MYH15: variants seen among roughly 807,000 people sequenced by gnomAD.
MYH15 encodes myosin heavy chain 15.
In MYH15, 227 loss-of-function variants were observed where a neutral mutation model predicts 240.5. The observed-to-expected ratio is 0.94, with a 90% CI of 0.85 to 1.05. The LOEUF (loss-of-function observed/expected upper bound fraction) is 1.05. MYH15 is among the 50% of genes least tolerant of loss of function. The pLI is 0.00. For missense variants in MYH15, 2,217 were observed against 2,247.5 expected (o/e 0.99, Z 0.27); for synonymous variants, 785 against 796.7 (o/e 0.99, Z 0.25).
intron 33 of MYH15, among the ~76,000 whole-genome samples, chr3:108,404,673 G>T (rs2082533025): frequency 6.6e-6 from 1 of 152,156 alleles, no homozygotes; most frequent in South Asian, 2.1e-4. Flanking sequence ...GTCTAATTCA[G>T]TTTCCTGACT....
intron 14 of MYH15, among the ~76,000 whole-genome samples, chr3:108,466,017 C>G (rs2083113830): frequency 6.6e-6 from 1 of 152,200 alleles, no homozygotes. Context: ...TAGTTTCTGT[C>G]AGACCCTTGC....
At chr3:108,473,854 G>A (rs1170340631) in intron 12 of MYH15, among the ~76,000 whole-genome samples, 1 of 152,132 alleles carries the variant, frequency 6.6e-6, no homozygotes, top group Non-Finnish European at 1.5e-5. Flanking sequence ...ATTTAGAAAT[G>A]CAAGTGGCAT....
upstream of MYH15, among the ~76,000 whole-genome samples, chr3:108,510,893 A>C (rs1268166283): frequency 2.6e-5 from 4 of 152,192 alleles, no homozygotes; most frequent in Non-Finnish European, 4.4e-5. Context: ...AAGTAATATG[A>C]ATGATACATA....
chr3:108,458,872 A>T (rs749688127), intron 18 of MYH15, among the ~76,000 whole-genome samples: 1 of 152,178 alleles, frequency 6.6e-6, no homozygotes, highest in African/African-American at 2.4e-5. Flanking sequence ...GCTATTAGAA[A>T]GAGGGAAGAA....
chr3:108,440,928 C>A, intron 23 of MYH15, 90 bp downstream of exon 23: 1 of 1,509,846 alleles, frequency 6.6e-7, no homozygotes. Flanking sequence ...TGTTAATTAA[C>A]TTGAATAGAG....
the MYH15 span, chr3:108,550,925 A>T: frequency 0.12 from 34,574 of 288,136 alleles, 2,507 homozygotes; most frequent in South Asian, 0.26. Flanking sequence ...ACCAAAGAAA[A>T]CCTTAAGCCA....
At chr3:108,392,394 C>T (rs1369864544) in intron 36 of MYH15, among the ~76,000 whole-genome samples, 1 of 152,180 alleles carries the variant, frequency 6.6e-6, no homozygotes, top group African/African-American at 2.4e-5. Flanking sequence ...AGTTTGGCTC[C>T]AGGAATTTGG....
chr3:108,505,683 G>A, intron 2 of MYH15, 40 bp downstream of exon 2: 1 of 1,161,058 alleles, frequency 8.6e-7, no homozygotes, highest in Non-Finnish European at 1.3e-6. Flanking sequence ...ATTTGATAGA[G>A]AACATAGTCA....
intron 35 of MYH15, 102 bp from the exon 36 acceptor site, chr3:108,394,258 C>A: frequency 2.1e-6 from 3 of 1,456,296 alleles, no homozygotes; most frequent in South Asian, 2.5e-5. Context: ...TGGCCAGAAG[C>A]AAATTTTATT....
intron 9 of MYH15, among the ~76,000 whole-genome samples, chr3:108,486,934 C>T (rs1199238321): frequency 6.6e-6 from 1 of 152,206 alleles, no homozygotes; most frequent in Admixed American, 6.5e-5. Context: ...ATAAGTAGAA[C>T]AGACCTGAGC....
chr3:108,415,252 T>C (rs374444689), intron 29 of MYH15, among the ~76,000 whole-genome samples: 7 of 152,142 alleles, frequency 4.6e-5, no homozygotes, highest in African/African-American at 7.2e-5. Flanking sequence ...GTGTCCTTTA[T>C]GCAAATTAGG....
intron 11 of MYH15, among the ~76,000 whole-genome samples, chr3:108,480,296 C>T (rs1174866311): frequency 3.9e-5 from 6 of 152,216 alleles, no homozygotes; most frequent in South Asian, 2.1e-4. Context: ...ATGAACAGCA[C>T]GACTTGAAGC....
intron 25 of MYH15, among the ~76,000 whole-genome samples, chr3:108,432,885 G>A (rs1576230156): frequency 6.6e-6 from 1 of 152,318 alleles, no homozygotes; most frequent in Admixed American, 6.5e-5. Flanking sequence ...GGCCCTCATG[G>A]AGAACCTCTG....
chr3:108,402,832 T>C (rs1016117490), intron 33 of MYH15, among the ~76,000 whole-genome samples: 4 of 152,198 alleles, frequency 2.6e-5, no homozygotes, highest in African/African-American at 7.2e-5. Context: ...TCTTGGGCCA[T>C]GCAGTAGGGC....
At chr3:108,489,624 G>A (rs770728131) in intron 9 of MYH15, among the ~76,000 whole-genome samples, 1 of 152,016 alleles carries the variant, frequency 6.6e-6, no homozygotes, top group Non-Finnish European at 1.5e-5. Context: ...CATTTCCTTC[G>A]CTCCTTCAGT....
At chr3:108,468,587 A>C (rs574048566) in intron 14 of MYH15, among the ~76,000 whole-genome samples, 2 of 152,338 alleles carry the variant, frequency 1.3e-5, no homozygotes, top group South Asian at 4.1e-4. Flanking sequence ...AGAAAACCAA[A>C]GACTTATCTT....
At chr3:108,544,928 T>C in the MYH15 span, among the ~76,000 whole-genome samples, 3 of 152,128 alleles carry the variant, frequency 2.0e-5, no homozygotes, top group Non-Finnish European at 4.4e-5. Flanking sequence ...GCTGGGAACA[T>C]AATGGGATCC....
chr3:108,531,566 C>T (rs1484763676), upstream of MYH15, among the ~76,000 whole-genome samples: 1 of 152,090 alleles, frequency 6.6e-6, no homozygotes, highest in Non-Finnish European at 1.5e-5. Context: ...ATCACGAGGT[C>T]AGGAGATACA....
the MYH15 span, among the ~76,000 whole-genome samples, chr3:108,536,533 G>A: frequency 6.6e-6 from 1 of 152,254 alleles, no homozygotes; most frequent in East Asian, 1.9e-4. Flanking sequence ...AACTCATACA[G>A]GTAAGGAGGG....
Sources: gnomAD v4.1 joint callset for allele counts (sites outside exome capture counted in the v4.1 genomes callset) on GRCh38, gnomAD v4.1.1 for gene constraint, MANE v1.5 for transcripts, NCBI Gene and HGNC (gene_info 2026-07-23, HGNC 2026-07-21) for gene names.